Variants in ANK2 observed in about 807,000 individuals in gnomAD.
ANK2 encodes the protein ankyrin 2.
A neutral mutation model predicts 360.5 loss-of-function variants in ANK2; 83 were observed. The ratio of observed to expected loss-of-function variants is 0.23; its 90% CI spans 0.19 to 0.28. The LOEUF (loss-of-function observed/expected upper bound fraction) is 0.28. Among genes scored for constraint, ANK2 ranks in the 10% least tolerant of loss-of-function variants. The probability of loss-of-function intolerance (pLI) is 1.00; values close to 1 mark genes in which losing one functional copy is unlikely to be tolerated. For missense variants in ANK2, 4,201 were observed against 4,795.7 expected (o/e 0.88, Z 3.66); for synonymous variants, 1,740 against 1,759.5 (o/e 0.99, Z 0.28).
chr4:113,243,739 C>T (rs1265598783), intron 9 of ANK2, among the ~76,000 whole-genome samples: 1 of 152,156 alleles, frequency 6.6e-6, no homozygotes, highest in Non-Finnish European at 1.5e-5. Flanking sequence ...CACATTACTA[C>T]ATTACTAACA....
intron 1 of ANK2, among the ~76,000 whole-genome samples, chr4:112,859,704 G>T (rs1298432608): frequency 6.6e-6 from 1 of 152,208 alleles, no homozygotes; most frequent in Non-Finnish European, 1.5e-5. Flanking sequence ...CACCTGCCTT[G>T]TCACTTAGCT....
At chr4:112,830,401 G>T (rs2059453352) in intron 1 of ANK2, among the ~76,000 whole-genome samples, 1 of 152,162 alleles carries the variant, frequency 6.6e-6, no homozygotes, top group Non-Finnish European at 1.5e-5. Context: ...ACAGTAACAG[G>T]AAACAAAATA....
At chr4:112,764,849 A>C in the ANK2 span, among the ~76,000 whole-genome samples, 1 of 151,658 alleles carries the variant, frequency 6.6e-6, no homozygotes, top group African/African-American at 2.4e-5. Context: ...CTGGGATTAC[A>C]GGCATGTGCC....
At chr4:113,360,272 G>A (rs188818892) in intron 38 of ANK2, among the ~76,000 whole-genome samples, 12 of 152,216 alleles carry the variant, frequency 7.9e-5, no homozygotes, top group Admixed American at 7.2e-4. Flanking sequence ...AAATGCATAT[G>A]CTTTTATCCT....
intron 2 of ANK2, among the ~76,000 whole-genome samples, chr4:112,959,355 G>C (rs887448045): frequency 3.3e-5 from 5 of 152,170 alleles, no homozygotes; most frequent in Admixed American, 6.5e-5. Flanking sequence ...AACAAAACAG[G>C]CTCCATTATA....
chr4:113,079,476 A>T (rs1267288067), intron 1 of ANK2, among the ~76,000 whole-genome samples: 1 of 152,088 alleles, frequency 6.6e-6, no homozygotes, highest in African/African-American at 2.4e-5. Flanking sequence ...AATTGCACTT[A>T]CTTGTTTTCA....
intron 2 of ANK2, among the ~76,000 whole-genome samples, chr4:113,017,581 A>G (rs2056975992): frequency 6.6e-6 from 1 of 152,214 alleles, no homozygotes; most frequent in Admixed American, 6.5e-5. Flanking sequence ...TGCTGCAACT[A>G]CAAATCTTTT....
chr4:113,068,446 A>G (rs1271603360), intron 1 of ANK2, among the ~76,000 whole-genome samples: 1 of 152,194 alleles, frequency 6.6e-6, no homozygotes. Context: ...CACATCCCAT[A>G]CAAACTTTGG....
At chr4:113,154,980 G>C (rs1202993997) in intron 1 of ANK2, among the ~76,000 whole-genome samples, 2 of 151,878 alleles carry the variant, frequency 1.3e-5, no homozygotes, top group East Asian at 1.9e-4. Context: ...ATTCTACCCA[G>C]GATCACAAGA....
chr4:113,269,914 T>C (rs1465293356), intron 14 of ANK2, among the ~76,000 whole-genome samples: 1 of 152,250 alleles, frequency 6.6e-6, no homozygotes, highest in Non-Finnish European at 1.5e-5. Flanking sequence ...TTAACATTAC[T>C]CTTGTTGTCT....
chr4:112,954,252 T>G (rs927489097), intron 2 of ANK2, among the ~76,000 whole-genome samples: 32 of 135,254 alleles, frequency 2.4e-4, no homozygotes, highest in African/African-American at 8.4e-4. Flanking sequence ...CCTTCCTTGC[T>G]TCCTTCCTAC....
chr4:112,907,561 T>C (rs1580937850), intron 2 of ANK2, among the ~76,000 whole-genome samples: 1 of 152,182 alleles, frequency 6.6e-6, no homozygotes, highest in East Asian at 1.9e-4. Flanking sequence ...GGTGGCTCCA[T>C]TGAACATTGT....
rs185280471 is a variant in ANK2, at chr4:112,841,814, A to G, written c.-40+23550A>G. ...CCTACCACAGGGCAAAGTTACTTCT[A>G]GCTATGGACAGATACATGAAGTTCT... On this transcript the variant is annotated intron_variant, in intron 1 of 30. Coordinates refer to the ANK2 transcript ENST00000503271. 1.9e-4 allele frequency among the ~76,000 whole-genome samples: 29 copies of G among 152,342 alleles called. No individual in the cohort carries two copies. In the East Asian group the frequency reaches 4.6e-3, roughly 24 times the overall value.
chr4:112,712,401 TATATA>T, the ANK2 span, among the ~76,000 whole-genome samples: 1,086 of 57,280 alleles, frequency 0.019, 14 homozygotes, highest in East Asian at 0.067. Flanking sequence ...TATATATATA[TATATA>T]TTTTTTTTTT....
chr4:112,754,176 C>A, the ANK2 span, among the ~76,000 whole-genome samples: 1 of 139,178 alleles, frequency 7.2e-6, no homozygotes, highest in Non-Finnish European at 1.5e-5. Flanking sequence ...TATAAAACAG[C>A]TTTCCAGTTG....
chr4:113,102,639 A>G (rs189051223), intron 1 of ANK2, among the ~76,000 whole-genome samples: 1 of 152,278 alleles, frequency 6.6e-6, no homozygotes, highest in East Asian at 1.9e-4. Flanking sequence ...CAGAACTAAG[A>G]AAAGAAAATT....
intron 33 of ANK2, among the ~76,000 whole-genome samples, chr4:113,342,574 C>T (rs1588639429): frequency 6.6e-6 from 1 of 152,234 alleles, no homozygotes; most frequent in South Asian, 2.1e-4. Context: ...GTGGCAGATG[C>T]CTGTAATCCC....
At chr4:112,893,236 C>T (rs962605750) in intron 1 of ANK2, among the ~76,000 whole-genome samples, 2 of 152,086 alleles carry the variant, frequency 1.3e-5, no homozygotes, top group Non-Finnish European at 2.9e-5. Flanking sequence ...TATTATTATT[C>T]CCAACTTCCC....
chr4:113,376,040 A>G (rs940719730), intron 45 of ANK2, among the ~76,000 whole-genome samples: 5 of 152,188 alleles, frequency 3.3e-5, no homozygotes, highest in African/African-American at 1.2e-4. Context: ...AAATTTTTGC[A>G]TGAGTGAAAA....
Sources: allele counts gnomAD v4.1 joint callset (sites outside exome capture counted in the v4.1 genomes callset), GRCh38; gene constraint gnomAD v4.1.1; transcripts MANE v1.5; gene names NCBI Gene and HGNC (gene_info 2026-07-23, HGNC 2026-07-21).